Variants in RALGPS1 observed in about 807,000 individuals in gnomAD.
RALGPS1 encodes the protein ras-specific guanine nucleotide-releasing factor RalGPS1.
A neutral mutation model predicts 78.8 loss-of-function variants in RALGPS1; 19 were observed. That is an observed-to-expected ratio of 0.24 (90% CI 0.17 to 0.35). The LOEUF (loss-of-function observed/expected upper bound fraction) is 0.35, where lower values mean the gene tolerates loss of function less well. Ranked by LOEUF, RALGPS1 falls within the 10% of genes least tolerant of loss-of-function variation. RALGPS1 has a pLI of 1.00. For synonymous variants in RALGPS1, 228 were observed against 256.3 expected (o/e 0.89, Z 1.06); for missense variants, 454 against 688.3 (o/e 0.66, Z 3.81).
Position 127,212,262 on chromosome 9 carries a change from G to A in RALGPS1, c.1353+26G>A, listed in dbSNP as rs1421347810. 1.3e-6 allele frequency: 2 copies of A among 1,545,264 alleles called. No homozygotes were observed. The highest frequency in any genetic ancestry group is 2.7e-5 in the African/African-American group (2 of 72,738). Reference sequence around the variant, plus strand: ...GTAAGTACAGACCCACATCCACCGGGGCAGCAGGGGCTTCCACATCTGTAA... The same window carrying A: ...GTAAGTACAGACCCACATCCACCGGAGCAGCAGGGGCTTCCACATCTGTAA... On this transcript the variant is annotated intron_variant, in intron 15 of 18. Transcript: ENST00000259351. This position sits in a 1 kb window ranked among gnomAD's most constrained non-coding sequence, Gnocchi z 6.0.
rs1381778120 is a variant in RALGPS1 at position 127,212,789 on chromosome 9, A to C, written c.1446+70A>C. ...GGGAAGGGACCTCTGTGAACTGTGG[A>C]GGATGGGGGTGGGAAAGGGATCTGT... is the stretch of plus-strand genomic sequence containing the variant. On this transcript the variant is annotated intron_variant, in intron 16 of 18. Coordinates refer to ENST00000259351, the MANE Select transcript of RALGPS1 (RefSeq NM_014636.3). This position sits in a 1 kb window ranked among gnomAD's most constrained non-coding sequence, Gnocchi z 6.0. 7.2e-6 allele frequency: 11 copies of C among 1,527,186 alleles called. No individual in the cohort carries two copies. Among genetic ancestry groups the C allele is most frequent in the Non-Finnish European group, 9.9e-6 (11 of 1,112,288 alleles). 94.6% of individuals were successfully genotyped at this position (1,527,186 alleles called of 1,614,324 possible). A position where few individuals can be genotyped will look rare whatever the true frequency, so the allele number is the denominator to read the frequency against.
intron 4 of RALGPS1, among the ~76,000 whole-genome samples, chr9:127,013,548 C>G (rs995344653): frequency 6.6e-6 from 1 of 152,156 alleles, no homozygotes; most frequent in Admixed American, 6.5e-5. Context: ...CCTTTTCCAC[C>G]TGTCTGTCCC....
chr9:127,090,866 T>C (rs1186290988), intron 8 of RALGPS1, among the ~76,000 whole-genome samples: 1 of 152,186 alleles, frequency 6.6e-6, no homozygotes, highest in Non-Finnish European at 1.5e-5. Context: ...GCATTAACTG[T>C]GTGGGAGGCT....
intron 11 of RALGPS1, among the ~76,000 whole-genome samples, chr9:127,185,646 T>G (rs2060594014): frequency 1.3e-5 from 2 of 152,224 alleles, no homozygotes; most frequent in South Asian, 4.1e-4. Flanking sequence ...ATTACCATCA[T>G]TATTGTTGTA....
chr9:127,142,469 A>T lies in RALGPS1; in HGVS notation c.611-23600A>T, dbSNP rs563044544. Among the ~76,000 whole-genome samples the T allele has an allele frequency of 1.1e-4, 17 of 152,240 alleles. No homozygotes were observed. In the South Asian group the frequency reaches 3.3e-3, roughly 30 times the overall value. On this transcript the variant is annotated intron_variant, in intron 8 of 18. Coordinates refer to ENST00000259351, the MANE Select transcript of RALGPS1 (RefSeq NM_014636.3). ...GGAGGCAGTTGGAGGGGTGGGCATG[A>T]TGGGCGCATCTGGAGGGAAGCAGAA...
intron 7 of RALGPS1, among the ~76,000 whole-genome samples, chr9:127,064,600 C>A (rs368515839): frequency 2.0e-5 from 3 of 152,186 alleles, no homozygotes; most frequent in African/African-American, 4.8e-5. Flanking sequence ...CATATACTTA[C>A]CAATGTGCTT....
intron 1 of RALGPS1, among the ~76,000 whole-genome samples, chr9:126,928,894 G>T (rs556617218): frequency 6.6e-6 from 1 of 152,058 alleles, no homozygotes; most frequent in Non-Finnish European, 1.5e-5. Flanking sequence ...GAGCCACCAC[G>T]CCCGGCCAAG....
At chr9:126,952,652 A>AGTGTGTGTGTGTGTGTGTGTGT (rs768212640) in intron 1 of RALGPS1, among the ~76,000 whole-genome samples, 81 of 122,506 alleles carry the variant, frequency 6.6e-4, no homozygotes, top group East Asian at 2.7e-3. Flanking sequence ...AGAGAGAGAG[A>AGTGTGTGTGTGTGTGTGTGTGT]GAGAGTGTGT....
At chr9:127,028,282 C>A (rs936105081) in intron 4 of RALGPS1, among the ~76,000 whole-genome samples, 1 of 152,268 alleles carries the variant, frequency 6.6e-6, no homozygotes, top group African/African-American at 2.4e-5. Flanking sequence ...CTAAGGCCTG[C>A]AGCTCTGTTC....
rs1191171966 is a variant in RALGPS1, at chr9:127,213,054, G to A, written c.1552+5G>A. 4 of 1,614,220 alleles carry A rather than the reference G, an allele frequency of 2.5e-6. No homozygotes were observed. The highest frequency in any genetic ancestry group is 3.4e-6 in the Non-Finnish European group (4 of 1,180,036). Reference sequence around the variant, plus strand: ...AGCTGAACAACCCTGACAAAGGTAGGCAGCAGGCCAGAGCTGGCGCCTGCA... The same window carrying A: ...AGCTGAACAACCCTGACAAAGGTAGACAGCAGGCCAGAGCTGGCGCCTGCA... On this transcript the variant is annotated splice_donor_5th_base_variant and intron_variant, in intron 17 of 18. Coordinates refer to ENST00000259351, the MANE Select transcript of RALGPS1 (RefSeq NM_014636.3).
chr9:127,152,729 G>A (rs895728846), intron 8 of RALGPS1, among the ~76,000 whole-genome samples: 7 of 152,152 alleles, frequency 4.6e-5, no homozygotes, highest in African/African-American at 1.4e-4. Flanking sequence ...GGTTTTTAGT[G>A]GTAAGTCAGG....
chr9:127,050,247 C>T (rs1564485344), intron 6 of RALGPS1, 115 bp downstream of exon 6: 1 of 857,002 alleles, frequency 1.2e-6, no homozygotes, highest in Non-Finnish European at 1.9e-6. Flanking sequence ...CTGCCAGGCA[C>T]AGTTCAAACA....
At chr9:127,120,843 G>T (rs1050963943) in intron 8 of RALGPS1, among the ~76,000 whole-genome samples, 3 of 149,432 alleles carry the variant, frequency 2.0e-5, no homozygotes, top group Admixed American at 6.6e-5. Flanking sequence ...AAAAAAAAAA[G>T]AATTCGTGTC....
At chr9:126,966,976 T>C (rs925843974) in intron 3 of RALGPS1, among the ~76,000 whole-genome samples, 3 of 152,096 alleles carry the variant, frequency 2.0e-5, no homozygotes, top group Non-Finnish European at 2.9e-5. Context: ...GTCCAAGCGT[T>C]GAACTTCTCT....
chr9:127,017,943 G>T (rs954858232), intron 4 of RALGPS1, among the ~76,000 whole-genome samples: 4 of 152,088 alleles, frequency 2.6e-5, no homozygotes, highest in African/African-American at 9.7e-5. Flanking sequence ...CTGGCCGGGC[G>T]CTGTGGCTCA....
At chr9:127,168,833 G>A in intron 10 of RALGPS1, 61 bp downstream of exon 10, 1 of 1,408,476 alleles carries the variant, frequency 7.1e-7, no homozygotes, top group Non-Finnish European at 1.0e-6. Context: ...TTAGTGCTCA[G>A]GTCCCTGCAA....
At chr9:127,141,640 A>G (rs2057788200) in intron 8 of RALGPS1, among the ~76,000 whole-genome samples, 1 of 138,894 alleles carries the variant, frequency 7.2e-6, no homozygotes, top group East Asian at 2.0e-4. Flanking sequence ...AAAAAAAAAA[A>G]GAAAGAAAGA....
intron 8 of RALGPS1, chr9:127,087,725 A>G (rs2051939144): frequency 6.6e-6 from 1 of 152,092 alleles, no homozygotes; most frequent in Non-Finnish European, 1.5e-5. Flanking sequence ...GCCTGTTTTC[A>G]TTTTTGTGGC....
At chr9:127,206,771 A>C (rs562320974) in intron 14 of RALGPS1, among the ~76,000 whole-genome samples, 8 of 152,258 alleles carry the variant, frequency 5.3e-5, no homozygotes, top group African/African-American at 1.9e-4. Context: ...TATGAAATGT[A>C]AGCCCCAGGA....
Sources: allele counts gnomAD v4.1 joint callset (sites outside exome capture counted in the v4.1 genomes callset), GRCh38; gene constraint gnomAD v4.1.1; non-coding constraint Gnocchi (gnomAD v3.1); transcripts MANE v1.5; gene names NCBI Gene and HGNC (gene_info 2026-07-23, HGNC 2026-07-21).